EDIL3: variants seen among roughly 807,000 people sequenced by gnomAD.
The protein encoded by EDIL3 is EGF like and discoidin domains 3, also known as EGF-like repeat and discoidin I-like domain-containing protein 3.
A neutral mutation model predicts 67.4 loss-of-function variants in EDIL3; 37 were observed. The ratio of observed to expected loss-of-function variants is 0.55; its 90% CI spans 0.42 to 0.72. The LOEUF is 0.72. Among genes scored for constraint, EDIL3 ranks in the 30% least tolerant of loss-of-function variants. The probability of loss-of-function intolerance (pLI) is 0.00; values close to 1 mark genes in which losing one functional copy is unlikely to be tolerated. For synonymous variants in EDIL3, 195 were observed against 196.3 expected, an observed-to-expected ratio of 0.99 and a Z score of 0.05; for missense variants, 527 against 586.3, an observed-to-expected ratio of 0.90 and a Z score of 1.04.
Position 83,963,230 on chromosome 5 carries a change from T to C in EDIL3, c.1268A>G (p.Gln423Arg). 1.9e-6 allele frequency: 3 copies of C among 1,604,640 alleles called. No individual in the cohort carries two copies. Among genetic ancestry groups the C allele is most frequent in the South Asian group, 1.1e-5 (1 of 89,436 alleles). The change falls in exon 10 of 11, where the codon CAG (glutamine) becomes CGG (arginine). Residue 423 changes from glutamine (Q) to arginine (R), a missense_variant. By Grantham distance (43) the Gln-to-Arg change is conservative. Transcript: ENST00000296591. ...CTTATCTTTTCTTTGCTTTTCATCC[T>C]GGTATACAGTCCAGTGTTCTCCATC... ...SNDGEHWTVY[Q>R]DEKQRKDKVF...
At chr5:84,056,505 G>C (rs1286104781) in intron 9 of EDIL3, among the ~76,000 whole-genome samples, 3 of 140,350 alleles carry the variant, frequency 2.1e-5, no homozygotes, top group Non-Finnish European at 4.7e-5. Context: ...AATGAGATTT[G>C]AATACATACG....
chr5:84,277,301 G>T (rs776972184), intron 1 of EDIL3, among the ~76,000 whole-genome samples: 3 of 152,012 alleles, frequency 2.0e-5, no homozygotes, highest in South Asian at 4.2e-4. Flanking sequence ...AGGTTATACC[G>T]AGAAGAGAGC....
intron 4 of EDIL3, among the ~76,000 whole-genome samples, chr5:84,171,510 G>A (rs1475446281): frequency 1.3e-5 from 2 of 152,176 alleles, no homozygotes; most frequent in Non-Finnish European, 2.9e-5. Context: ...GATTAAGTGA[G>A]GGTCAGATTT....
At chr5:84,071,514 G>T (rs1275765540) in intron 6 of EDIL3, among the ~76,000 whole-genome samples, 1 of 152,172 alleles carries the variant, frequency 6.6e-6, no homozygotes, top group African/African-American at 2.4e-5. Context: ...ACCAATTGGT[G>T]ATACTGGATA....
chr5:83,990,547 A>T (rs745875112), intron 9 of EDIL3, among the ~76,000 whole-genome samples: 8 of 151,846 alleles, frequency 5.3e-5, no homozygotes, highest in Non-Finnish European at 1.2e-4. Flanking sequence ...GAAGTCAGAA[A>T]GAAGACTTGG....
intron 1 of EDIL3, among the ~76,000 whole-genome samples, chr5:84,296,865 G>C (rs1003002448): frequency 6.6e-6 from 1 of 151,984 alleles, no homozygotes; most frequent in Non-Finnish European, 1.5e-5. Flanking sequence ...AATCTACAAG[G>C]AACTTAAGCA....
intron 9 of EDIL3, among the ~76,000 whole-genome samples, chr5:84,018,626 A>G (rs1278873542): frequency 1.3e-5 from 2 of 152,178 alleles, no homozygotes; most frequent in Non-Finnish European, 2.9e-5. Context: ...TGGAGCAATC[A>G]ATTAGGAAAG....
intron 1 of EDIL3, among the ~76,000 whole-genome samples, chr5:84,336,052 G>A (rs1027646863): frequency 6.6e-6 from 1 of 152,076 alleles, no homozygotes; most frequent in Admixed American, 6.6e-5. Flanking sequence ...CTTCCTATAT[G>A]TCCCACCTCT....
chr5:84,153,501 GTCAGGCTGGTCTTGAACTCCTGACC>G (rs1748435740), intron 4 of EDIL3, among the ~76,000 whole-genome samples: 1 of 151,174 alleles, frequency 6.6e-6, no homozygotes, highest in Non-Finnish European at 1.5e-5. Flanking sequence ...CACCATATTG[GTCAGGCTGGTCTTGAACTCCTGACC>G]TCAGGCTGGT....
In EDIL3 at chr5:84,024,571, G is replaced by A. The variant is rs151214352; in HGVS notation, c.1137+35729C>T. On this transcript the variant is annotated intron_variant, in intron 9 of 10. Coordinates refer to ENST00000296591, the MANE Select transcript of EDIL3 (RefSeq NM_005711.5). ...GGTGACATGGTATAAGGCAGGCAGC[G>A]TGGTAAAAGCTGGAGTAGGGAGAAA... is the stretch of plus-strand genomic sequence containing the variant. Among the ~76,000 whole-genome samples, 5 of 152,228 alleles carry A rather than the reference G, an allele frequency of 3.3e-5. 1 individual carries two copies. Among genetic ancestry groups the A allele is most frequent in the South Asian group, 4.1e-4 (2 of 4,824 alleles).
At chr5:83,977,150 C>T (rs1283817243) in intron 9 of EDIL3, among the ~76,000 whole-genome samples, 1 of 151,736 alleles carries the variant, frequency 6.6e-6, no homozygotes, top group East Asian at 1.9e-4. Flanking sequence ...TTTAACTTTA[C>T]AAGATAAGAA....
At chr5:84,148,724 A>G (rs2112327624) in intron 4 of EDIL3, among the ~76,000 whole-genome samples, 1 of 152,252 alleles carries the variant, frequency 6.6e-6, no homozygotes, top group Non-Finnish European at 1.5e-5. Flanking sequence ...GTTACACTCA[A>G]GGCCACCATG....
At chr5:84,301,106 T>C (rs1296936675) in intron 1 of EDIL3, among the ~76,000 whole-genome samples, 3 of 151,862 alleles carry the variant, frequency 2.0e-5, no homozygotes, top group Non-Finnish European at 4.4e-5. Flanking sequence ...CCCATCTCTA[T>C]TAAAAATACA....
chr5:84,060,496 T>A lies in EDIL3; in HGVS notation c.953-12A>T, dbSNP rs759927167. On this transcript the variant is annotated splice_polypyrimidine_tract_variant and intron_variant, in intron 8 of 10. Transcript: ENST00000296591. ...AGGCTCAGAACAACCTGAAAGAAAA[T>A]GAGAAGGGCTCCATGAGAAAAATAA... is the stretch of plus-strand genomic sequence containing the variant. 6.2e-6 allele frequency: 10 copies of A among 1,612,344 alleles called. No individual in the cohort carries two copies. Among genetic ancestry groups the A allele is most frequent in the Non-Finnish European group, 5.1e-6 (6 of 1,179,430 alleles).
intron 8 of EDIL3, among the ~76,000 whole-genome samples, chr5:84,062,116 G>A (rs1746556946): frequency 6.6e-6 from 1 of 152,002 alleles, no homozygotes; most frequent in African/African-American, 2.4e-5. Context: ...TAGGAGATAA[G>A]TATCTGAAGC....
intron 9 of EDIL3, among the ~76,000 whole-genome samples, chr5:83,986,219 A>G (rs1745055521): frequency 6.6e-6 from 1 of 152,154 alleles, no homozygotes; most frequent in Admixed American, 6.6e-5. Flanking sequence ...TCATCAAGCA[A>G]TCCCCAATAC....
chr5:84,137,216 CACAT>C lies in EDIL3; in HGVS notation c.469+21_469+24del, dbSNP rs754442217. The C allele has an allele frequency of 1.3e-4, 197 of 1,508,750 alleles. No individual in the cohort carries two copies. The East Asian group carries it at 3.0e-3, about 23-fold the overall frequency. The allele number at this position is 1,508,750 out of a possible 1,614,324, so 93.5% of individuals were successfully genotyped here. A position where few individuals can be genotyped will look rare whatever the true frequency, so the allele number is the denominator to read the frequency against. On this transcript the variant is annotated intron_variant, in intron 5 of 10. Coordinates refer to ENST00000296591, the MANE Select transcript of EDIL3 (RefSeq NM_005711.5). The stretch of plus-strand genomic sequence containing the variant: ...ACACACACACACACACACACACACA[CACAT>C]ACACACACGTGAATACTTACTGTAT...
chr5:84,124,000 C>T (rs1414515450), intron 5 of EDIL3, among the ~76,000 whole-genome samples: 3 of 151,826 alleles, frequency 2.0e-5, no homozygotes, highest in African/African-American at 4.8e-5. Flanking sequence ...TATCTGCTTC[C>T]CAATTTTACA....
chr5:84,284,870 T>C (rs1017764290), intron 1 of EDIL3, among the ~76,000 whole-genome samples: 2 of 152,188 alleles, frequency 1.3e-5, no homozygotes, highest in Non-Finnish European at 2.9e-5. Flanking sequence ...GCATTTTTTT[T>C]ATTTGTAGTT....
Sources: allele counts gnomAD v4.1 joint callset (sites outside exome capture counted in the v4.1 genomes callset), GRCh38; gene constraint gnomAD v4.1.1; transcripts MANE v1.5; gene names NCBI Gene and HGNC (gene_info 2026-07-23, HGNC 2026-07-21).